Variants in TNRC6C observed in about 807,000 individuals in gnomAD.
TNRC6C encodes the protein trinucleotide repeat-containing gene 6C protein.
TNRC6C carries 20 observed loss-of-function variants against 153.7 expected under a neutral mutation model. The observed-to-expected ratio is 0.13, with a 90% CI of 0.09 to 0.19. TNRC6C has a LOEUF of 0.19. Among genes scored for constraint, TNRC6C ranks in the 10% least tolerant of loss-of-function variants. The pLI is 1.00. For synonymous variants in TNRC6C, 811 were observed against 841.4 expected (o/e 0.96, Z 0.63); for missense variants, 1,987 against 2,172.0 (o/e 0.91, Z 1.69).
At chr17:77,996,616 CAA>C (rs1336047915) in intron 1 of TNRC6C, among the ~76,000 whole-genome samples, 5 of 152,224 alleles carry the variant, frequency 3.3e-5, no homozygotes, top group Non-Finnish European at 2.9e-5. Context: ...TTCCTGAACT[CAA>C]GAGGGCATAC....
chr17:77,960,740 T>C (rs1351703428), intron 1 of TNRC6C, among the ~76,000 whole-genome samples: 2 of 152,216 alleles, frequency 1.3e-5, no homozygotes, highest in Non-Finnish European at 2.9e-5. Flanking sequence ...CAATGGTCTT[T>C]GAGCATGTTT....
chr17:77,997,689 C>G (rs2071349556), intron 1 of TNRC6C, among the ~76,000 whole-genome samples: 1 of 151,776 alleles, frequency 6.6e-6, no homozygotes. Flanking sequence ...TGGAGTCTCG[C>G]TCTGTCACCC....
intron 2 of TNRC6C, among the ~76,000 whole-genome samples, chr17:78,036,452 G>C (rs146379676): frequency 7.5e-4 from 114 of 152,256 alleles, no homozygotes; most frequent in African/African-American, 2.7e-3. Context: ...GAAAACTTAC[G>C]TGTCCATTCC....
intron 16 of TNRC6C, among the ~76,000 whole-genome samples, chr17:78,094,524 C>T (rs1021956133): frequency 2.0e-5 from 3 of 151,878 alleles, no homozygotes; most frequent in Admixed American, 1.3e-4. Flanking sequence ...CTGCAACCTC[C>T]GCCTCGCAGG....
chr17:78,090,933 G>C (rs1598782930), intron 13 of TNRC6C, among the ~76,000 whole-genome samples: 2 of 152,180 alleles, frequency 1.3e-5, no homozygotes, highest in East Asian at 1.9e-4. Flanking sequence ...TTTTTGACCT[G>C]ATGAGTTTCC....
At chr17:78,006,864 G>A (rs974388661) in intron 1 of TNRC6C, among the ~76,000 whole-genome samples, 1 of 144,188 alleles carries the variant, frequency 6.9e-6, no homozygotes, top group Non-Finnish European at 1.5e-5. Flanking sequence ...TTGCTCTATC[G>A]CCCAGGCTGG....
chr17:78,054,764 G>A (rs1343597774), intron 3 of TNRC6C, among the ~76,000 whole-genome samples: 1 of 151,328 alleles, frequency 6.6e-6, no homozygotes, highest in African/African-American at 2.4e-5. Flanking sequence ...GTGGACTACT[G>A]TACACTACTA....
chr17:78,106,651 A>G (rs1421200474), exon 20 of TNRC6C: 1 of 152,056 alleles, frequency 6.6e-6, no homozygotes, highest in Admixed American at 6.5e-5. Flanking sequence ...ATGGACTCAA[A>G]AGAAATAGAT....
exon 20 of TNRC6C, chr17:78,107,464 G>A (rs2073721276): frequency 6.6e-6 from 1 of 152,172 alleles, no homozygotes. Flanking sequence ...GCTGTTCAAA[G>A]TAATGTGTTT....
At chr17:78,064,987 A>T (rs1270594248) in intron 4 of TNRC6C, 50 bp downstream of exon 6, 12 of 1,526,780 alleles carry the variant, frequency 7.9e-6, no homozygotes, top group African/African-American at 1.4e-5. Flanking sequence ...GAAATGACTC[A>T]AAGTATTGAA....
intron 1 of TNRC6C, among the ~76,000 whole-genome samples, chr17:77,960,967 CA>C (rs2144020684): frequency 2.0e-5 from 3 of 152,104 alleles, no homozygotes; most frequent in South Asian, 4.1e-4. Flanking sequence ...AGCTGTTTTT[CA>C]TACAGATTTC....
intron 1 of TNRC6C, among the ~76,000 whole-genome samples, chr17:77,962,364 G>A (rs929758979): frequency 6.6e-6 from 1 of 152,164 alleles, no homozygotes; most frequent in Non-Finnish European, 1.5e-5. Context: ...AGGGTTTATT[G>A]TGCAAAGGTG....
chr17:78,031,045 G>C (rs1184468370), intron 1 of TNRC6C, among the ~76,000 whole-genome samples: 2 of 152,082 alleles, frequency 1.3e-5, no homozygotes, highest in African/African-American at 4.8e-5. Context: ...GTTGCAGTGA[G>C]CTAAGATGGT....
exon 20 of TNRC6C, chr17:78,107,367 ATG>A (rs2073719517): frequency 1.3e-5 from 2 of 152,230 alleles, no homozygotes; most frequent in South Asian, 4.1e-4. Flanking sequence ...TCCTCATAGA[ATG>A]TGACTGTTGA....
intron 1 of TNRC6C, among the ~76,000 whole-genome samples, chr17:77,993,624 C>T (rs2071284940): frequency 6.6e-6 from 1 of 152,020 alleles, no homozygotes; most frequent in Admixed American, 6.6e-5. Flanking sequence ...TTAATTAGAA[C>T]CTTTTTTTTT....
At chr17:78,106,586 CAAA>C (rs972326179) in exon 20 of TNRC6C, 6 of 129,800 alleles carry the variant, frequency 4.6e-5, no homozygotes, top group African/African-American at 1.7e-4. Flanking sequence ...AAAAAAAACA[CAAA>C]GAAGAAAAAT....
intron 4 of TNRC6C, among the ~76,000 whole-genome samples, 169 bp downstream of exon 6, chr17:78,065,106 T>TG (rs1197276723): frequency 1.3e-5 from 2 of 152,210 alleles, no homozygotes; most frequent in Non-Finnish European, 1.5e-5. Context: ...CCCAGCACTT[T>TG]GGGAGTCCAG....
intron 1 of TNRC6C, among the ~76,000 whole-genome samples, chr17:78,018,982 CAG>C (rs1457770711): frequency 6.6e-6 from 1 of 152,012 alleles, no homozygotes; most frequent in African/African-American, 2.4e-5. Flanking sequence ...TAGTAGGTAA[CAG>C]AGCTCATTGC....
At chr17:78,006,828 A>ATT (rs113977025) in intron 1 of TNRC6C, among the ~76,000 whole-genome samples, 4 of 143,916 alleles carry the variant, frequency 2.8e-5, no homozygotes, top group South Asian at 2.2e-4. Flanking sequence ...TTATTTATTT[A>ATT]TTTTTTTTTT....
Sources: allele counts gnomAD v4.1 joint callset (sites outside exome capture counted in the v4.1 genomes callset), GRCh38; gene constraint gnomAD v4.1.1; transcripts MANE v1.5; gene names NCBI Gene and HGNC (gene_info 2026-07-23, HGNC 2026-07-21).